MEOX2: variants seen among roughly 807,000 people sequenced by gnomAD.
MEOX2 encodes the protein homeobox protein MOX-2.
A neutral mutation model predicts 27.0 loss-of-function variants in MEOX2; 11 were observed. That is an observed-to-expected ratio of 0.41 (90% CI 0.26 to 0.68). The LOEUF (loss-of-function observed/expected upper bound fraction) is 0.68, where lower values mean the gene tolerates loss of function less well. MEOX2 is among the 30% of genes least tolerant of loss of function. The probability of loss-of-function intolerance (pLI) is 0.33; values close to 1 mark genes in which losing one functional copy is unlikely to be tolerated. For synonymous variants in MEOX2, 189 were observed against 155.4 expected, an observed-to-expected ratio of 1.22 and a Z score of -1.61; for missense variants, 436 against 385.4, an observed-to-expected ratio of 1.13 and a Z score of -1.10.
intron 2 of MEOX2, among the ~76,000 whole-genome samples, chr7:15,624,678 T>C (rs540951186): frequency 3.1e-4 from 47 of 152,160 alleles, no homozygotes; most frequent in Admixed American, 5.9e-4. Context: ...GGGTTCCATG[T>C]AGGGCCAGCA....
intron 1 of MEOX2, among the ~76,000 whole-genome samples, chr7:15,665,041 T>TCA (rs35772927): frequency 0.15 from 21,202 of 141,100 alleles, 1,594 homozygotes; most frequent in African/African-American, 0.21. Context: ...TAAGTGGACA[T>TCA]CACACACACA....
intron 1 of MEOX2, among the ~76,000 whole-genome samples, chr7:15,643,161 C>G (rs558902419): frequency 5.9e-5 from 9 of 152,306 alleles, no homozygotes; most frequent in African/African-American, 2.2e-4. Context: ...GTTTGACCTC[C>G]CAGCCAGTAG....
At chr7:15,641,796 A>C (rs1040264522) in intron 1 of MEOX2, among the ~76,000 whole-genome samples, 2 of 152,084 alleles carry the variant, frequency 1.3e-5, no homozygotes, top group African/African-American at 4.8e-5. Flanking sequence ...CATTTCTTGA[A>C]GGTCTAGTCT....
chr7:15,621,901 G>A (rs530097343), intron 2 of MEOX2, among the ~76,000 whole-genome samples: 2 of 152,126 alleles, frequency 1.3e-5, no homozygotes, highest in Non-Finnish European at 2.9e-5. Context: ...GGTGGATCAC[G>A]AGGTCAGGAG....
intron 1 of MEOX2, chr7:15,681,381 G>C (rs1420042229): frequency 6.6e-6 from 1 of 151,678 alleles, no homozygotes; most frequent in African/African-American, 2.4e-5. Context: ...AAGCAAGGCA[G>C]CATTATCAGG....
intron 1 of MEOX2, among the ~76,000 whole-genome samples, chr7:15,661,933 A>G (rs1174923100): frequency 6.6e-6 from 1 of 152,198 alleles, no homozygotes; most frequent in East Asian, 1.9e-4. Context: ...TATGCAATGG[A>G]GTCAAGTTAA....
At chr7:15,660,745 G>A (rs1258480045) in intron 1 of MEOX2, among the ~76,000 whole-genome samples, 2 of 152,104 alleles carry the variant, frequency 1.3e-5, no homozygotes, top group Non-Finnish European at 2.9e-5. Context: ...AAAGGAGCCA[G>A]GCGTGGTGGC....
At chr7:15,622,457 A>T (rs1054818552) in intron 2 of MEOX2, among the ~76,000 whole-genome samples, 5 of 152,194 alleles carry the variant, frequency 3.3e-5, no homozygotes, top group African/African-American at 1.2e-4. Context: ...TTTATATTCA[A>T]ATAATTCTAT....
chr7:15,666,508 C>T (rs1782005602), intron 1 of MEOX2, among the ~76,000 whole-genome samples: 1 of 151,908 alleles, frequency 6.6e-6, no homozygotes, highest in African/African-American at 2.4e-5. Flanking sequence ...AATCCCAGCA[C>T]TTTGGGAGGC....
In MEOX2 at chr7:15,626,733, T is replaced by C. The variant is rs181631911; in HGVS notation, c.690+13A>G. ...ATTAAAAAAGATCATATAATGATAA[T>C]GCCCAGCTTTACCTGTCTTTCAGTG... is the stretch of plus-strand genomic sequence containing the variant. On this transcript the variant is annotated intron_variant, in intron 2 of 2. Transcript: ENST00000262041. The C allele has an allele frequency of 4.0e-3, 6,388 of 1,594,066 alleles. 17 individuals are homozygous for C. Among genetic ancestry groups the C allele is most frequent in the Middle Eastern group, 0.011 (67 of 5,986 alleles).
rs1354453837 is a variant in MEOX2 at position 15,666,266 on chromosome 7, T to C, written c.517+19620A>G. Reference sequence around the variant, plus strand: ...TGACTTCCATAGGCCTAATCCTCCCTTACCTTATCAAAATGGCATTGATTT... The same window carrying C: ...TGACTTCCATAGGCCTAATCCTCCCCTACCTTATCAAAATGGCATTGATTT... On this transcript the variant is annotated intron_variant, in intron 1 of 2. Transcript: ENST00000262041. Among the ~76,000 whole-genome samples the C allele has an allele frequency of 2.0e-5, 3 of 152,280 alleles. No homozygotes were observed. The South Asian group carries it at 6.2e-4, about 32-fold the overall frequency.
intron 1 of MEOX2, among the ~76,000 whole-genome samples, chr7:15,643,659 A>C (rs575897489): frequency 6.6e-6 from 1 of 152,190 alleles, no homozygotes; most frequent in African/African-American, 2.4e-5. Context: ...CCCAGAGGGA[A>C]AAACTGCGGC....
intron 1 of MEOX2, among the ~76,000 whole-genome samples, chr7:15,651,526 T>G (rs1019119403): frequency 1.3e-5 from 2 of 152,030 alleles, no homozygotes; most frequent in African/African-American, 4.8e-5. Flanking sequence ...GTGCTGATTA[T>G]GCACCAGGCT....
chr7:15,615,152 A>G (rs1781102383), intron 2 of MEOX2, among the ~76,000 whole-genome samples: 2 of 146,168 alleles, frequency 1.4e-5, no homozygotes, highest in African/African-American at 2.5e-5. Flanking sequence ...ATACCTATGT[A>G]GGGATAGACA....
chr7:15,648,152 G>T (rs375797632), intron 1 of MEOX2, among the ~76,000 whole-genome samples: 35 of 151,722 alleles, frequency 2.3e-4, no homozygotes, highest in African/African-American at 7.5e-4. Flanking sequence ...CAAGCTTTAC[G>T]TGTTTTACAT....
chr7:15,681,476 GC>G (rs1391241510), intron 1 of MEOX2: 1 of 145,416 alleles, frequency 6.9e-6, no homozygotes, highest in African/African-American at 2.6e-5. Flanking sequence ...TTTCTTAAGT[GC>G]AAAAAAAAAT....
rs1439181471 is a variant in MEOX2 at position 15,647,706 on chromosome 7, A to T, written c.518-20788T>A. ...TTGTAACAGCCAACAACAAAAACAAATCATGAAAAGTTTTATTTCAATTTT... is the reference window on the plus strand; with the variant it reads ...TTGTAACAGCCAACAACAAAAACAATTCATGAAAAGTTTTATTTCAATTTT... On this transcript the variant is annotated intron_variant, in intron 1 of 2. Transcript: ENST00000262041. Among the ~76,000 whole-genome samples, 3 of 152,130 alleles carry T rather than the reference A, an allele frequency of 2.0e-5. No homozygotes were observed. In the East Asian group the frequency reaches 5.8e-4, roughly 29 times the overall value.
intron 1 of MEOX2, among the ~76,000 whole-genome samples, chr7:15,654,443 T>A (rs1044774353): frequency 1.3e-5 from 2 of 151,786 alleles, no homozygotes; most frequent in Admixed American, 1.3e-4. Context: ...TACCTTTCAG[T>A]CTTATGTTGA....
intron 1 of MEOX2, among the ~76,000 whole-genome samples, chr7:15,670,741 A>C (rs1782081814): frequency 6.6e-6 from 1 of 152,198 alleles, no homozygotes; most frequent in South Asian, 2.1e-4. Context: ...ATATGTACAA[A>C]TGGTCATTTC....
Sources: allele counts gnomAD v4.1 joint callset (sites outside exome capture counted in the v4.1 genomes callset), GRCh38; gene constraint gnomAD v4.1.1; transcripts MANE v1.5; gene names NCBI Gene and HGNC (gene_info 2026-07-23, HGNC 2026-07-21).